Variants in PPFIA2 observed in about 807,000 individuals in gnomAD.
The protein encoded by PPFIA2 is PPFI scaffold protein A2.
In PPFIA2, 46 loss-of-function variants were observed where a neutral mutation model predicts 175.5. The observed-to-expected ratio is 0.26, with a 90% CI of 0.21 to 0.34. The LOEUF (loss-of-function observed/expected upper bound fraction) is 0.34, where lower values mean the gene tolerates loss of function less well. PPFIA2 is among the 10% of genes least tolerant of loss of function. The probability of loss-of-function intolerance (pLI) is 1.00; values close to 1 mark genes in which losing one functional copy is unlikely to be tolerated. For synonymous variants in PPFIA2, 568 were observed against 511.4 expected (o/e 1.11, Z -1.49); for missense variants, 1,179 against 1,506.1 (o/e 0.78, Z 3.60).
chr12:81,639,458 A>G (rs1192583102), intron 4 of PPFIA2, among the ~76,000 whole-genome samples: 1 of 152,046 alleles, frequency 6.6e-6, no homozygotes, highest in Non-Finnish European at 1.5e-5. Flanking sequence ...ACAACCACCC[A>G]CATTTCTTCC....
chr12:81,377,029 G>C (rs1048102349), intron 9 of PPFIA2, among the ~76,000 whole-genome samples: 1 of 151,834 alleles, frequency 6.6e-6, no homozygotes, highest in East Asian at 1.9e-4. Flanking sequence ...AATAAAATAG[G>C]TAATGTCCTA....
chr12:81,564,154 T>C (rs976559087), intron 4 of PPFIA2, among the ~76,000 whole-genome samples: 2 of 152,234 alleles, frequency 1.3e-5, no homozygotes, highest in African/African-American at 2.4e-5. Flanking sequence ...TATTATTAAT[T>C]CTGATAAACA....
intron 4 of PPFIA2, among the ~76,000 whole-genome samples, chr12:81,520,873 C>T (rs1323681247): frequency 1.3e-5 from 2 of 152,134 alleles, no homozygotes; most frequent in Non-Finnish European, 2.9e-5. Flanking sequence ...AGGATTTATA[C>T]CATGCAGTGC....
intron 28 of PPFIA2, among the ~76,000 whole-genome samples, chr12:81,269,641 C>G (rs996152965): frequency 6.6e-6 from 1 of 152,212 alleles, no homozygotes; most frequent in African/African-American, 2.4e-5. Flanking sequence ...TCTCACCTAA[C>G]AGTAACCAAT....
At chr12:81,283,692 A>C (rs539339483) in intron 25 of PPFIA2, among the ~76,000 whole-genome samples, 32 of 152,246 alleles carry the variant, frequency 2.1e-4, no homozygotes, top group African/African-American at 7.5e-4. Flanking sequence ...TTACATGAAA[A>C]AATGATTTTT....
chr12:81,464,247 G>A (rs1399776061), intron 4 of PPFIA2, among the ~76,000 whole-genome samples: 1 of 152,062 alleles, frequency 6.6e-6, no homozygotes, highest in Non-Finnish European at 1.5e-5. Flanking sequence ...CATTTCTTAA[G>A]TACTAAGTAT....
At chr12:81,566,461 T>C (rs1595030120) in intron 4 of PPFIA2, among the ~76,000 whole-genome samples, 1 of 139,530 alleles carries the variant, frequency 7.2e-6, no homozygotes, top group Admixed American at 7.8e-5. Context: ...GAGGCGGAGG[T>C]TGCAGTGGGC....
chr12:81,557,046 T>C (rs1050589924), intron 4 of PPFIA2, among the ~76,000 whole-genome samples: 4 of 151,882 alleles, frequency 2.6e-5, no homozygotes, highest in African/African-American at 9.7e-5. Flanking sequence ...TGGCATTTTT[T>C]TTTCCCTCAA....
intron 7 of PPFIA2, among the ~76,000 whole-genome samples, chr12:81,426,576 G>A (rs973870067): frequency 6.6e-6 from 1 of 152,042 alleles, no homozygotes; most frequent in African/African-American, 2.4e-5. Flanking sequence ...TTTGTTTTTT[G>A]CTAGGAAGTT....
chr12:81,523,379 A>T (rs374324421), intron 4 of PPFIA2, among the ~76,000 whole-genome samples: 43 of 151,816 alleles, frequency 2.8e-4, no homozygotes, highest in African/African-American at 1.0e-3. Context: ...TAATCTTCAC[A>T]TGGTTGACCC....
intron 5 of PPFIA2, among the ~76,000 whole-genome samples, chr12:81,446,704 A>G (rs898300214): frequency 4.6e-5 from 7 of 152,204 alleles, no homozygotes; most frequent in African/African-American, 1.7e-4. Context: ...TACCCAAACA[A>G]AAGATTTAAA....
chr12:81,277,648 T>TA (rs1429009607), intron 27 of PPFIA2, among the ~76,000 whole-genome samples: 2 of 152,192 alleles, frequency 1.3e-5, no homozygotes, highest in African/African-American at 2.4e-5. Context: ...AAAACAGTTT[T>TA]AAAATCATCA....
chr12:81,319,325 T>A (rs1230650898), intron 22 of PPFIA2, among the ~76,000 whole-genome samples: 1 of 151,798 alleles, frequency 6.6e-6, no homozygotes, highest in Non-Finnish European at 1.5e-5. Flanking sequence ...ATTCTGACCC[T>A]TATCCTTGGG....
rs771142270 is a variant in PPFIA2 at position 81,263,249 on chromosome 12, T to C, written c.3697A>G (p.Arg1233Gly). Reference protein sequence around the residue: ...FRLTTTSGQSRKMTTDVASSR... With the variant: ...FRLTTTSGQSGKMTTDVASSR... ...ACTGTACCATCTGTTGTCATTTTTC[T>C]TGACTGCCCAGAGGTTGTGGTTAAC... The change falls in exon 31 of 33, where the codon AGA (arginine) becomes GGA (glycine). Residue 1233 changes from arginine to glycine, a missense_variant. Physicochemically the swap from Arg to Gly is moderately radical, Grantham distance 125 (BLOSUM62 -2). Around this residue, in one of 10 missense-constraint regions of PPFIA2, gnomAD observed 245 missense variants for 375.1 expected, o/e 0.65. Coordinates refer to ENST00000549396, the MANE Select transcript of PPFIA2 (RefSeq NM_003625.5). 1.2e-6 allele frequency: 2 copies of C among 1,609,310 alleles called. No individual in the cohort carries two copies. The highest frequency in any genetic ancestry group is 1.1e-5 in the South Asian group (1 of 90,290).
At chr12:81,387,505 C>T (rs1185473846) in intron 8 of PPFIA2, among the ~76,000 whole-genome samples, 1 of 151,934 alleles carries the variant, frequency 6.6e-6, no homozygotes, top group African/African-American at 2.4e-5. Flanking sequence ...AGTCCAATAA[C>T]CTAAACAATG....
At chr12:81,656,974 A>T (rs1008677678) in intron 4 of PPFIA2, among the ~76,000 whole-genome samples, 4 of 152,142 alleles carry the variant, frequency 2.6e-5, no homozygotes, top group African/African-American at 9.7e-5. Context: ...CTCAACTTTA[A>T]TTTATTATGA....
chr12:81,672,727 C>G (rs1281588380), intron 4 of PPFIA2, among the ~76,000 whole-genome samples: 2 of 151,966 alleles, frequency 1.3e-5, no homozygotes, highest in South Asian at 4.1e-4. Context: ...AAACTGAATA[C>G]CTTCAGTGGT....
chr12:81,442,860 T>C (rs1294318347), intron 6 of PPFIA2, among the ~76,000 whole-genome samples: 1 of 79,288 alleles, frequency 1.3e-5, no homozygotes, highest in African/African-American at 4.9e-5. Context: ...TATATATATA[T>C]ATATATATAT....
intron 4 of PPFIA2, among the ~76,000 whole-genome samples, chr12:81,558,823 T>C (rs755241703): frequency 6.6e-6 from 1 of 152,142 alleles, no homozygotes; most frequent in African/African-American, 2.4e-5. Context: ...CACTATAATA[T>C]ATGTTACGAA....
Sources: allele counts gnomAD v4.1 joint callset (sites outside exome capture counted in the v4.1 genomes callset), GRCh38; gene constraint gnomAD v4.1.1; regional missense constraint gnomAD v4.1.1; transcripts MANE v1.5; gene names NCBI Gene and HGNC (gene_info 2026-07-23, HGNC 2026-07-21).